The following NR4A3 variants were observed in gnomAD, a reference collection of about 807,000 sequenced individuals.
NR4A3 encodes chondrosarcoma, extraskeletal myxoid, fused to EWS.
In NR4A3, 13 loss-of-function variants were observed where a neutral mutation model predicts 55.6. That is an observed-to-expected ratio of 0.23 (90% CI 0.15 to 0.37). The LOEUF is 0.37. NR4A3 is among the 10% of genes least tolerant of loss of function. The pLI is 1.00. For missense variants in NR4A3, 646 were observed against 822.8 expected (o/e 0.79, Z 2.63); for synonymous variants, 342 against 357.9 (o/e 0.96, Z 0.50).
intron 7 of NR4A3, among the ~76,000 whole-genome samples, chr9:99,859,887 G>A (rs1827981703): frequency 6.6e-6 from 1 of 152,184 alleles, no homozygotes; most frequent in African/African-American, 2.4e-5. Context: ...TATTTATTCT[G>A]AGAAAGGCGT....
chr9:99,845,474 A>AT (rs1827737565), intron 6 of NR4A3, among the ~76,000 whole-genome samples: 1 of 152,214 alleles, frequency 6.6e-6, no homozygotes, highest in Non-Finnish European at 1.5e-5. Flanking sequence ...CCACATGTAG[A>AT]TTTTTTAAAG....
chr9:99,828,186 G>C lies in NR4A3; in HGVS notation c.144G>C (p.Thr48=), dbSNP rs977487047. ...LTMDLGSTEI[T]ATATTSLPSI... The stretch of plus-strand genomic sequence containing the variant: ...TGGACCTTGGCAGCACTGAGATCAC[G>C]GCTACAGCCACCACGTCCCTGCCCA... The change falls in exon 3 of 8, where the codon ACG becomes ACC. Residue 48 remains threonine (T), a synonymous_variant. Coordinates refer to ENST00000395097, the MANE Select transcript of NR4A3 (RefSeq NM_006981.4). The surrounding 1 kb of genome is among the most constrained non-coding windows in gnomAD (Gnocchi z 7.7). 2 of 1,613,972 alleles carry C rather than the reference G, an allele frequency of 1.2e-6. No homozygotes were observed. Among genetic ancestry groups the C allele is most frequent in the Non-Finnish European group, 1.7e-6 (2 of 1,179,992 alleles).
chr9:99,864,274 C>T lies in NR4A3; in HGVS notation c.*407C>T, dbSNP rs1307158911. On this transcript the variant is annotated 3_prime_UTR_variant, in exon 8 of 8. Coordinates refer to ENST00000395097, the MANE Select transcript of NR4A3 (RefSeq NM_006981.4). ...AAAACAAGAACAGCCAAGGGTTGTT[C>T]GCCAGGGTAGGATGTGTCTTAAAGA... 2 of 244,202 alleles carry T rather than the reference C, an allele frequency of 8.2e-6. No individual in the cohort carries two copies. Among genetic ancestry groups the T allele is most frequent in the Non-Finnish European group, 1.6e-5 (2 of 123,476 alleles). The allele number at this position is 244,202 out of a possible 1,614,324, so 15.1% of individuals were successfully genotyped here.
chr9:99,834,076 C>G, intron 5 of NR4A3: 1 of 1,020,386 alleles, frequency 9.8e-7, no homozygotes, highest in Non-Finnish European at 1.2e-6. Flanking sequence ...TTCTGAACAC[C>G]AGTCACACAA....
intron 1 of NR4A3, among the ~76,000 whole-genome samples, chr9:99,824,115 G>A (rs964837865): frequency 6.6e-6 from 1 of 152,152 alleles, no homozygotes; most frequent in African/African-American, 2.4e-5. Flanking sequence ...AAGCAGGAGC[G>A]GCGGAACGTG....
rs975194969 is a variant in NR4A3 at position 99,825,490 on chromosome 9, G to T, written c.-176-169G>T. 6.6e-5 allele frequency among the ~76,000 whole-genome samples: 10 copies of T among 152,294 alleles called. No homozygotes were observed. Among genetic ancestry groups the T allele is most frequent in the Non-Finnish European group, 1.3e-4 (9 of 68,016 alleles). ...CCGTGTGATGCTTCTTGCCCAGGGG[G>T]ACTCCTGTACCATTAATCACCCTTA... On this transcript the variant is annotated intron_variant, in intron 1 of 7. Transcript: ENST00000395097. This position sits in a 1 kb window ranked among gnomAD's most constrained non-coding sequence, Gnocchi z 5.0.
intron 3 of NR4A3, among the ~76,000 whole-genome samples, chr9:99,831,106 C>T (rs1242555562): frequency 6.6e-6 from 1 of 152,112 alleles, no homozygotes; most frequent in African/African-American, 2.4e-5. Flanking sequence ...GATAGGAATT[C>T]GGTGATTGAA....
In NR4A3 at chr9:99,858,130, C is replaced by T. The variant is rs545279949; in HGVS notation, c.1634-5490C>T. Among the ~76,000 whole-genome samples, 12 of 152,268 alleles carry T rather than the reference C, an allele frequency of 7.9e-5. No homozygotes were observed. In the South Asian group the frequency reaches 2.5e-3, roughly 32 times the overall value. The stretch of plus-strand genomic sequence containing the variant: ...AATCACATAACTATCTGACTTCAAA[C>T]TGTTGTGTCCTGCAAAGGGATAGAT... On this transcript the variant is annotated intron_variant, in intron 7 of 7. Coordinates refer to ENST00000395097, the MANE Select transcript of NR4A3 (RefSeq NM_006981.4).
chr9:99,832,594 C>A, intron 3 of NR4A3, 95 bp from the exon 4 acceptor site: 1 of 1,069,220 alleles, frequency 9.4e-7, no homozygotes, highest in Non-Finnish European at 1.3e-6. Context: ...ACGAATTGCA[C>A]TGTCGCTTTT....
At chr9:99,841,231 G>GA (rs11374154) in intron 5 of NR4A3, among the ~76,000 whole-genome samples, 61,319 of 129,322 alleles carry the variant, frequency 0.47, 14,218 homozygotes, top group Middle Eastern at 0.56. Flanking sequence ...CTCTGTCTCC[G>GA]AAAAAAAAAA....
At chr9:99,827,188 A>T (rs183781314) in intron 2 of NR4A3, among the ~76,000 whole-genome samples, 2 of 152,174 alleles carry the variant, frequency 1.3e-5, no homozygotes, top group East Asian at 3.9e-4. Flanking sequence ...CTTGCCTATT[A>T]TGATAGTTAT....
Position 99,864,175 on chromosome 9 carries a change from G to T in NR4A3, c.*308G>T. 1 of 303,080 alleles carries T rather than the reference G, an allele frequency of 3.3e-6. No individual in the cohort carries two copies. Among genetic ancestry groups the T allele is most frequent in the Non-Finnish European group, 6.2e-6 (1 of 161,260 alleles). The allele number at this position is 303,080 out of a possible 1,614,324, so 18.8% of individuals were successfully genotyped here. A position where few individuals can be genotyped will look rare whatever the true frequency, so the allele number is the denominator to read the frequency against. On this transcript the variant is annotated 3_prime_UTR_variant, in exon 8 of 8. Coordinates refer to ENST00000395097, the MANE Select transcript of NR4A3 (RefSeq NM_006981.4). ...AGCACTTTTGGACAATGCTATCCCA[G>T]CAGGAAAAAAAAGGATAATATAACT...
chr9:99,833,092 C>T (rs1357554276), intron 4 of NR4A3, among the ~76,000 whole-genome samples, 190 bp from the exon 5 acceptor site: 2 of 152,156 alleles, frequency 1.3e-5, no homozygotes, highest in African/African-American at 2.4e-5. Flanking sequence ...ATATCGGTGG[C>T]TTTTATGCTG....
chr9:99,835,619 G>A lies in NR4A3; in HGVS notation c.1254+2165G>A, dbSNP rs556863579. On this transcript the variant is annotated intron_variant, in intron 5 of 7. Coordinates refer to ENST00000395097, the MANE Select transcript of NR4A3 (RefSeq NM_006981.4). ...CATTTGAAAGCACAATAGATGGTCA[G>A]TACAGATAATTTAGGCCTCAAAAGT... 5.3e-5 allele frequency among the ~76,000 whole-genome samples: 8 copies of A among 152,334 alleles called. No homozygotes were observed. The East Asian group carries it at 9.6e-4, about 18-fold the overall frequency.
At chr9:99,862,325 C>T (rs535574353) in intron 7 of NR4A3, among the ~76,000 whole-genome samples, 1 of 151,762 alleles carries the variant, frequency 6.6e-6, no homozygotes, top group East Asian at 1.9e-4. Flanking sequence ...GGGAGGATTA[C>T]TTGAGGTCAG....
At chr9:99,850,789 G>A (rs973537534) in intron 7 of NR4A3, among the ~76,000 whole-genome samples, 1 of 152,144 alleles carries the variant, frequency 6.6e-6, no homozygotes, top group Non-Finnish European at 1.5e-5. Flanking sequence ...AATTTAGTTG[G>A]TGATGTAACC....
chr9:99,831,118 C>G (rs759509586), intron 3 of NR4A3, among the ~76,000 whole-genome samples: 2 of 152,108 alleles, frequency 1.3e-5, no homozygotes, highest in Non-Finnish European at 2.9e-5. Flanking sequence ...GTGATTGAAC[C>G]ATAATGATCT....
At chr9:99,852,444 T>G (rs1716849212) in intron 7 of NR4A3, among the ~76,000 whole-genome samples, 1 of 152,206 alleles carries the variant, frequency 6.6e-6, no homozygotes, top group African/African-American at 2.4e-5. Context: ...TGATGTCTTG[T>G]GCTTTTGGGA....
chr9:99,865,513 A>G lies in NR4A3; in HGVS notation c.*1646A>G, dbSNP rs1190508261. Reference sequence around the variant, plus strand: ...ATAATGTTTGAAGATTTTTAGGTCTAAAAGTCTTTATATTATATACTCTGT... The same window carrying G: ...ATAATGTTTGAAGATTTTTAGGTCTGAAAGTCTTTATATTATATACTCTGT... On this transcript the variant is annotated 3_prime_UTR_variant, in exon 8 of 8. Transcript: ENST00000395097. This position sits in a 1 kb window ranked among gnomAD's most constrained non-coding sequence, Gnocchi z 4.3. The G allele has an allele frequency of 5.4e-6, 1 of 183,926 alleles. No individual in the cohort carries two copies. Among genetic ancestry groups the G allele is most frequent in the Non-Finnish European group, 1.2e-5 (1 of 86,344 alleles). 11.4% of individuals were successfully genotyped at this position (183,926 alleles called of 1,614,324 possible). A position where few individuals can be genotyped will look rare whatever the true frequency, so the allele number is the denominator to read the frequency against.
Sources: allele counts gnomAD v4.1 joint callset (sites outside exome capture counted in the v4.1 genomes callset), GRCh38; gene constraint gnomAD v4.1.1; non-coding constraint Gnocchi (gnomAD v3.1); transcripts MANE v1.5; gene names NCBI Gene and HGNC (gene_info 2026-07-23, HGNC 2026-07-21).